MTSS1: variants seen among roughly 807,000 people sequenced by gnomAD.
The protein encoded by MTSS1 is protein MTSS 1.
In MTSS1, 18 loss-of-function variants were observed where a neutral mutation model predicts 79.0. The ratio of observed to expected loss-of-function variants is 0.23; its 90% CI spans 0.16 to 0.34. The LOEUF is 0.34. Ranked by LOEUF, MTSS1 falls within the 10% of genes least tolerant of loss-of-function variation. The pLI, the probability that MTSS1 is intolerant of heterozygous loss-of-function variation, is 1.00. For synonymous variants in MTSS1, 341 were observed against 368.6 expected (o/e 0.93, Z 0.86); for missense variants, 815 against 986.2 (o/e 0.83, Z 2.33).
chr8:124,677,625 G>A lies in MTSS1; in HGVS notation c.208+21901C>T, dbSNP rs1259391582. Among the ~76,000 whole-genome samples the A allele has an allele frequency of 2.0e-5, 3 of 152,170 alleles. No individual in the cohort carries two copies. The East Asian group carries it at 5.8e-4, about 29-fold the overall frequency. On this transcript the variant is annotated intron_variant, in intron 3 of 13. Transcript: ENST00000518547. Reference sequence around the variant, plus strand: ...GCATTTGGCCCAGAGGCTGTAGTCTGCCTACCCCTTCTTTAAATCATGGAT... The same window carrying A: ...GCATTTGGCCCAGAGGCTGTAGTCTACCTACCCCTTCTTTAAATCATGGAT...
At chr8:124,573,601 G>A (rs560552350) in intron 6 of MTSS1, among the ~76,000 whole-genome samples, 3 of 152,336 alleles carry the variant, frequency 2.0e-5, no homozygotes, top group African/African-American at 7.2e-5. Flanking sequence ...TTGATACAAC[G>A]TGACCAAGTT....
intron 7 of MTSS1, chr8:124,567,589 C>T: frequency 7.3e-7 from 1 of 1,374,946 alleles, no homozygotes; most frequent in Non-Finnish European, 9.4e-7. Flanking sequence ...ATCTTTGTGA[C>T]AGTGCCTGTG....
At position 124,589,298 on chromosome 8, in the gene MTSS1, C is replaced by T. The variant is rs532056333; in HGVS notation, c.385+322G>A. 1.2e-4 allele frequency among the ~76,000 whole-genome samples: 18 copies of T among 152,064 alleles called. 1 individual carries two copies. In the East Asian group the frequency reaches 1.7e-3, roughly 15 times the overall value. ...CGCCCGCCTCGGCCTCCCAAAGTGC[C>T]GGGATTACAGGTCTGAGCCACCGCG... On this transcript the variant is annotated intron_variant, in intron 5 of 13. Transcript: ENST00000518547.
intron 9 of MTSS1, among the ~76,000 whole-genome samples, chr8:124,563,678 T>C (rs1289362196): frequency 1.3e-5 from 2 of 152,228 alleles, no homozygotes; most frequent in African/African-American, 4.8e-5. Context: ...TATCTGTGGG[T>C]CTGGCACAAT....
At chr8:124,668,508 T>C (rs1480763917) in intron 3 of MTSS1, among the ~76,000 whole-genome samples, 1 of 152,190 alleles carries the variant, frequency 6.6e-6, no homozygotes, top group Non-Finnish European at 1.5e-5. Context: ...CCTGTCATCA[T>C]AGCTGGCTAA....
intron 3 of MTSS1, among the ~76,000 whole-genome samples, chr8:124,668,425 T>A (rs548483105): frequency 1.3e-5 from 2 of 152,292 alleles, no homozygotes; most frequent in East Asian, 3.9e-4. Context: ...GAATTCATCC[T>A]GTCCTAGCTC....
chr8:124,602,207 A>ACACATATATATATACACATATATAT, intron 3 of MTSS1, among the ~76,000 whole-genome samples: 2 of 142,234 alleles, frequency 1.4e-5, no homozygotes, highest in African/African-American at 5.5e-5. Flanking sequence ...ATATATATAT[A>ACACATATATATATACACATATATAT]ATTTTTTTTT....
At chr8:124,569,961 A>C (rs980257937) in intron 6 of MTSS1, among the ~76,000 whole-genome samples, 5 of 152,168 alleles carry the variant, frequency 3.3e-5, no homozygotes, top group Non-Finnish European at 4.4e-5. Context: ...TATCCCTCTT[A>C]GTGATGTAGA....
chr8:124,585,213 T>C (rs977181155), intron 5 of MTSS1, 52 bp from the exon 6 acceptor site: 7 of 1,351,106 alleles, frequency 5.2e-6, no homozygotes, highest in Non-Finnish European at 6.3e-6. Context: ...TAACAGAAAA[T>C]ATGTTAGGTA....
chr8:124,605,339 G>A (rs1834609905), intron 3 of MTSS1, among the ~76,000 whole-genome samples: 4 of 152,176 alleles, frequency 2.6e-5, no homozygotes, highest in South Asian at 4.1e-4. Flanking sequence ...TTAACTGTCG[G>A]GTAGATAAGA....
intron 8 of MTSS1, 72 bp downstream of exon 8, chr8:124,566,999 C>T (rs1403467751): frequency 8.5e-7 from 1 of 1,172,402 alleles, no homozygotes; most frequent in African/African-American, 1.5e-5. Flanking sequence ...ACACATGCCA[C>T]AGGAACACTC....
At chr8:124,667,111 T>A (rs1823241607) in intron 3 of MTSS1, among the ~76,000 whole-genome samples, 1 of 152,038 alleles carries the variant, frequency 6.6e-6, no homozygotes. Context: ...ACGCCCTGGG[T>A]TTCCCCCCAT....
At chr8:124,724,135 G>A (rs550952436) in intron 1 of MTSS1, among the ~76,000 whole-genome samples, 33 of 152,172 alleles carry the variant, frequency 2.2e-4, no homozygotes, top group African/African-American at 7.2e-4. Context: ...AAACAAAGCA[G>A]TGAGGGGTAA....
chr8:124,566,007 A>G (rs1826351021), intron 8 of MTSS1: 2 of 328,516 alleles, frequency 6.1e-6, no homozygotes, highest in South Asian at 1.1e-4. Context: ...AAGGAAAATC[A>G]TGAAATATCA....
intron 3 of MTSS1, among the ~76,000 whole-genome samples, chr8:124,610,164 T>C (rs12114612): frequency 0.032 from 4,941 of 152,292 alleles, 102 homozygotes; most frequent in Admixed American, 0.058. Flanking sequence ...GTGCAAGGTA[T>C]TAACAATAGG....
At chr8:124,653,097 T>C (rs1482362858) in intron 3 of MTSS1, among the ~76,000 whole-genome samples, 3 of 152,188 alleles carry the variant, frequency 2.0e-5, no homozygotes, top group African/African-American at 7.2e-5. Context: ...GGGGTTGGCC[T>C]GGAATGCCCG....
chr8:124,621,476 T>C (rs1360499904), intron 3 of MTSS1, among the ~76,000 whole-genome samples: 1 of 152,014 alleles, frequency 6.6e-6, no homozygotes, highest in Non-Finnish European at 1.5e-5. Context: ...CAGGGGGGCA[T>C]CAGTACCGTC....
At chr8:124,586,115 T>C (rs1830818621) in intron 5 of MTSS1, among the ~76,000 whole-genome samples, 2 of 152,310 alleles carry the variant, frequency 1.3e-5, no homozygotes, top group Middle Eastern at 3.4e-3. Context: ...CACCCAGACA[T>C]AGACACCTGG....
At chr8:124,568,694 T>A in intron 6 of MTSS1, 158 bp from the exon 7 acceptor site, 1 of 1,479,856 alleles carries the variant, frequency 6.8e-7, no homozygotes, top group Non-Finnish European at 9.1e-7. Context: ...GGCAGCTGTT[T>A]TTCTAGGACC....
Sources: gnomAD v4.1 joint callset for allele counts (sites outside exome capture counted in the v4.1 genomes callset) on GRCh38, gnomAD v4.1.1 for gene constraint, MANE v1.5 for transcripts, NCBI Gene and HGNC (gene_info 2026-07-23, HGNC 2026-07-21) for gene names.